The following DYDC2 variants were observed in gnomAD, a reference collection of about 807,000 sequenced individuals.
DYDC2 encodes DPY30 domain containing 2, also known as DPY30 domain-containing protein 2.
Under a neutral mutation model 18.7 loss-of-function variants are expected in DYDC2, and 19 were observed. That is an observed-to-expected ratio of 1.02 (90% CI 0.71 to 1.49). DYDC2 has a LOEUF of 1.49. DYDC2 is among the 40% of genes most tolerant of loss of function. DYDC2 has a pLI of 0.00. For missense variants in DYDC2, 179 were observed against 205.1 expected (o/e 0.87, Z 0.78); for synonymous variants, 63 against 67.6 (o/e 0.93, Z 0.34).
chr10:80,357,219 G>A (rs1350087659), intron 1 of DYDC2, among the ~76,000 whole-genome samples: 1 of 150,212 alleles, frequency 6.7e-6, no homozygotes, highest in Non-Finnish European at 1.5e-5. Flanking sequence ...GAGAGAAGCG[G>A]GCGCGCTCCA....
Position 80,362,974 on chromosome 10 carries a change from G to T in DYDC2, c.171G>T (p.Leu57=). 1 of 1,613,824 alleles carries T rather than the reference G, an allele frequency of 6.2e-7. No individual in the cohort carries two copies. The highest frequency in any genetic ancestry group is 1.1e-5 in the South Asian group (1 of 90,946). Residue 57 remains leucine (L), a synonymous_variant, in exon 4 of 5, where the codon CTG becomes CTT. Coordinates refer to ENST00000256039, the MANE Select transcript of DYDC2 (RefSeq NM_032372.6). ...AGAATAGGGAAAAGAAGATCCACCT[G>T]CAGGAGGAATATGACAGTAGCCTCA... is the stretch of plus-strand genomic sequence containing the variant. ...KEENREKKIH[L]QEEYDSSLKE...
chr10:80,363,713 A>G (rs1843739001), intron 4 of DYDC2, among the ~76,000 whole-genome samples: 1 of 152,196 alleles, frequency 6.6e-6, no homozygotes, highest in Non-Finnish European at 1.5e-5. Context: ...AGATCCTTTG[A>G]GCCCTTTTCA....
intron 2 of DYDC2, among the ~76,000 whole-genome samples, chr10:80,359,131 A>G (rs1843580058): frequency 6.6e-6 from 1 of 152,100 alleles, no homozygotes; most frequent in African/African-American, 2.4e-5. Context: ...TGATTGGTTC[A>G]TTTTACAGAG....
upstream of DYDC2, among the ~76,000 whole-genome samples, chr10:80,353,618 G>A (rs530080392): frequency 2.0e-4 from 30 of 151,292 alleles, no homozygotes; most frequent in African/African-American, 6.0e-4. Flanking sequence ...TTGGGAGGCC[G>A]AGGCGGGCGG....
intron 1 of DYDC2, 118 bp from the exon 2 acceptor site, chr10:80,357,775 G>C (rs1437375159): frequency 1.0e-6 from 1 of 985,204 alleles, no homozygotes; most frequent in Non-Finnish European, 1.2e-6. Context: ...AGGCAAGAGA[G>C]GCCTTAATAG....
intron 2 of DYDC2, among the ~76,000 whole-genome samples, chr10:80,360,574 C>T (rs1315801748): frequency 1.3e-5 from 2 of 152,128 alleles, no homozygotes; most frequent in Non-Finnish European, 2.9e-5. Context: ...GGTATTCAGA[C>T]ATAGACACAT....
At chr10:80,359,028 G>C (rs1405195330) in intron 2 of DYDC2, among the ~76,000 whole-genome samples, 3 of 152,210 alleles carry the variant, frequency 2.0e-5, no homozygotes, top group South Asian at 2.1e-4. Context: ...AAAGAACAAA[G>C]CTTCCAGTGT....
At chr10:80,358,373 C>G (rs759250838) in intron 2 of DYDC2, among the ~76,000 whole-genome samples, 16 of 151,914 alleles carry the variant, frequency 1.1e-4, no homozygotes, top group Non-Finnish European at 1.3e-4. Context: ...CCAAGGCTCT[C>G]TCTTAAAAAT....
chr10:80,356,612 C>T, upstream of DYDC2: 1 of 985,472 alleles, frequency 1.0e-6, no homozygotes, highest in Non-Finnish European at 1.2e-6. Context: ...TCCTGCTCGA[C>T]GCCCAAGGCC....
chr10:80,355,986 T>TAA (rs370903702), upstream of DYDC2, among the ~76,000 whole-genome samples: 16,346 of 118,666 alleles, frequency 0.14, 1,109 homozygotes, highest in South Asian at 0.27. Context: ...GAAGTGAAGT[T>TAA]AAAAAAAAAA....
intron 2 of DYDC2, among the ~76,000 whole-genome samples, chr10:80,358,662 T>C (rs1818040004): frequency 6.6e-6 from 1 of 152,102 alleles, no homozygotes; most frequent in Non-Finnish European, 1.5e-5. Context: ...GCAAAGTAGA[T>C]TGGTAACTAC....
At chr10:80,356,155 C>G, upstream of DYDC2, 1 of 800,112 alleles carries the variant, frequency 1.2e-6, no homozygotes, top group Non-Finnish European at 1.5e-6. Context: ...TCAGTGGGAC[C>G]CAGGCAAGGC....
chr10:80,347,537 A>G (rs1842743386), intron 1 of DYDC2, among the ~76,000 whole-genome samples: 1 of 152,170 alleles, frequency 6.6e-6, no homozygotes, highest in African/African-American at 2.4e-5. Flanking sequence ...ACCAATGTCA[A>G]GGAGCTTTTT....
rs1032729095 is a variant in DYDC2 at position 80,346,444 on chromosome 10, CTTTTTTTTT to C, written c.-310+1648_-310+1656del. On this transcript the variant is annotated intron_variant, in intron 1 of 4. Transcript: ENST00000372197. ...TCACCAATGTGTGTCTCTTCCCTTT[CTTTTTTTTT>C]TTTTTTTTTTTTTTTTTTCTTTTTT... is the stretch of plus-strand genomic sequence containing the variant. 7.5e-3 allele frequency among the ~76,000 whole-genome samples: 627 copies of C among 83,388 alleles called. 1 individual carries two copies. Among genetic ancestry groups the C allele is most frequent in the African/African-American group, 0.029 (582 of 20,142 alleles). 54.7% of individuals were successfully genotyped at this position (83,388 alleles called of 152,430 possible). A position where few individuals can be genotyped will look rare whatever the true frequency, so the allele number is the denominator to read the frequency against.
chr10:80,361,395 G>A (rs1024669382), intron 2 of DYDC2, among the ~76,000 whole-genome samples: 5 of 152,132 alleles, frequency 3.3e-5, no homozygotes, highest in African/African-American at 1.2e-4. Flanking sequence ...GCCAGGTTTT[G>A]CCACTGTAAA....
At position 80,347,276 on chromosome 10, in the gene DYDC2, C is replaced by CTTTTTTTT. The variant is rs556362145; in HGVS notation, c.-310+2483_-310+2490dup. ...CTTTGCCCATTTTTTAATTGGGATC[C>CTTTTTTTT]TTTTTTTTTTTTTTTTTTTTTTTTT... is the stretch of plus-strand genomic sequence containing the variant. On this transcript the variant is annotated intron_variant, in intron 1 of 4. Transcript: ENST00000372197. Among the ~76,000 whole-genome samples the CTTTTTTTT allele has an allele frequency of 5.2e-4, 47 of 90,112 alleles. 3 individuals are homozygous for CTTTTTTTT. Among genetic ancestry groups the CTTTTTTTT allele is most frequent in the Non-Finnish European group, 6.2e-4 (29 of 47,012 alleles). 59.1% of individuals were successfully genotyped at this position (90,112 alleles called of 152,430 possible).
chr10:80,361,859 G>C (rs1392742036), intron 2 of DYDC2, among the ~76,000 whole-genome samples: 1 of 152,088 alleles, frequency 6.6e-6, no homozygotes, highest in East Asian at 1.9e-4. Context: ...CGTTAGGCTT[G>C]TCCTGCCCCA....
intron 1 of DYDC2, among the ~76,000 whole-genome samples, chr10:80,346,786 C>T (rs1185569681): frequency 3.9e-5 from 6 of 151,940 alleles, no homozygotes; most frequent in Admixed American, 3.9e-4. Flanking sequence ...TGATAACAGC[C>T]ATCTTAGGCT....
intron 1 of DYDC2, among the ~76,000 whole-genome samples, chr10:80,348,672 C>T (rs1842805482): frequency 6.6e-6 from 1 of 152,176 alleles, no homozygotes; most frequent in Non-Finnish European, 1.5e-5. Flanking sequence ...TAAGAAGCTT[C>T]CATCAACCTT....
Sources: gnomAD v4.1 joint callset for allele counts (sites outside exome capture counted in the v4.1 genomes callset) on GRCh38, gnomAD v4.1.1 for gene constraint, MANE v1.5 for transcripts, NCBI Gene and HGNC (gene_info 2026-07-23, HGNC 2026-07-21) for gene names.